RMND5B: variants seen among roughly 807,000 people sequenced by gnomAD.
RMND5B encodes E3 ubiquitin-protein transferase RMND5B.
RMND5B carries 42 observed loss-of-function variants against 50.4 expected under a neutral mutation model. The observed-to-expected ratio is 0.83, with a 90% CI of 0.65 to 1.08. The LOEUF (loss-of-function observed/expected upper bound fraction) is 1.08, where lower values mean the gene tolerates loss of function less well. Ranked by LOEUF, RMND5B falls within the 50% of genes least tolerant of loss-of-function variation. The pLI is 0.00. For synonymous variants in RMND5B, 220 were observed against 210.0 expected (o/e 1.05, Z -0.41); for missense variants, 463 against 508.5 (o/e 0.91, Z 0.86).
At chr5:178,136,893 AG>A (rs1758647758) in intron 2 of RMND5B, among the ~76,000 whole-genome samples, 1 of 152,186 alleles carries the variant, frequency 6.6e-6, no homozygotes, top group East Asian at 1.9e-4. Context: ...GGACAAGAAA[AG>A]TCAACTTTCT....
rs1337116812 is a variant in RMND5B, at chr5:178,144,850, T to TG, written c.694+743dup. On this transcript the variant is annotated intron_variant, in intron 7 of 10. Transcript: ENST00000313386. ...TGGCAACATGGGGAACCCCTGCCCC[T>TG]GCTCCCATCTCTACAAAAAATAAAA... Among the ~76,000 whole-genome samples the TG allele has an allele frequency of 2.6e-5, 4 of 152,174 alleles. No homozygotes were observed. In the East Asian group the frequency reaches 7.7e-4, roughly 29 times the overall value.
At chr5:178,143,013 CG>C (rs1755768373) in intron 5 of RMND5B, 21 bp downstream of exon 5, 1 of 1,599,678 alleles carries the variant, frequency 6.3e-7, no homozygotes, top group African/African-American at 1.3e-5. Context: ...GCTGGGCGGG[CG>C]CAACAACCTG....
chr5:178,141,779 A>T (rs1758958623), intron 3 of RMND5B: 1 of 152,198 alleles, frequency 6.6e-6, no homozygotes, highest in African/African-American at 2.4e-5. Flanking sequence ...TACAATCTTC[A>T]CCACTATCTA....
rs761344511 is a variant in RMND5B, at chr5:178,142,972, G to T, written c.406G>T (p.Val136Leu). The T allele has an allele frequency of 2.6e-5, 42 of 1,613,876 alleles. No homozygotes were observed. The East Asian group carries it at 5.1e-4, about 20-fold the overall frequency. Reference sequence around the variant, plus strand: ...CCTGTATCAGCAGGGCATGCTCAGCGTGGCCGAGGAGCTGTGCCAGGTACA... The same window carrying T: ...CCTGTATCAGCAGGGCATGCTCAGCTTGGCCGAGGAGCTGTGCCAGGTACA... ...EHLYQQGMLS[V>L]AEELCQESTL... Residue 136 changes from valine to leucine, a missense_variant, in exon 5 of 11, where the codon GTG (valine) becomes TTG (leucine). Transcript: ENST00000313386.
intron 2 of RMND5B, among the ~76,000 whole-genome samples, chr5:178,132,438 C>T (rs190919345): frequency 9.9e-5 from 15 of 152,070 alleles, no homozygotes; most frequent in Non-Finnish European, 1.5e-5. Flanking sequence ...AAGACTCTGT[C>T]TCAAAAACAA....
chr5:178,132,749 T>TTATTTTTTTATTTTTTA (rs373639499), intron 2 of RMND5B, among the ~76,000 whole-genome samples: 1 of 133,948 alleles, frequency 7.5e-6, no homozygotes, highest in Admixed American at 8.0e-5. Flanking sequence ...TTTTTTTTTT[T>TTATTTTTTTATTTTTTA]TTTTTAAGCA....
intron 8 of RMND5B, 178 bp downstream of exon 8, chr5:178,146,457 AAG>A: frequency 3.2e-6 from 2 of 626,918 alleles, no homozygotes; most frequent in Non-Finnish European, 5.4e-6. Context: ...TGAGACTAGG[AAG>A]AGTTATGGCC....
At position 178,137,110 on chromosome 5, in the gene RMND5B, C is replaced by T. The variant is rs1469777359; in HGVS notation, c.-12-998C>T. Among the ~76,000 whole-genome samples the T allele has an allele frequency of 2.0e-5, 3 of 152,044 alleles. No individual in the cohort carries two copies. The highest frequency in any genetic ancestry group is 2.1e-4 in the South Asian group (1 of 4,816). On this transcript the variant is annotated intron_variant, in intron 2 of 10. Transcript: ENST00000313386. This position sits in a 1 kb window ranked among gnomAD's most constrained non-coding sequence, Gnocchi z 4.4. ...GTGATGGGCCAGCCTCTCAAGTAGT[C>T]GAGGAGGTAAGGGTGATGGAGAGCA...
Position 178,149,672 on chromosome 5 carries a change from A to G in RMND5B, c.*1640A>G, listed in dbSNP as rs761847106. ...AGCCAGTCGTCCTGCTGCCAGCCCAATAGCTTCCAGCGGCAGGTGCCCAGG... is the reference window on the plus strand; with the variant it reads ...AGCCAGTCGTCCTGCTGCCAGCCCAGTAGCTTCCAGCGGCAGGTGCCCAGG... On this transcript the variant is annotated 3_prime_UTR_variant, in exon 11 of 11. Coordinates refer to ENST00000313386, the MANE Select transcript of RMND5B (RefSeq NM_022762.5). 21 of 1,611,886 alleles carry G rather than the reference A, an allele frequency of 1.3e-5. No individual in the cohort carries two copies. The highest frequency in any genetic ancestry group is 2.2e-5 in the East Asian group (1 of 44,872).
Position 178,143,723 on chromosome 5 carries a change from T to G in RMND5B, c.523T>G (p.Leu175Val), listed in dbSNP as rs769134484. 6.2e-7 allele frequency: 1 copy of G among 1,612,560 alleles called. No individual in the cohort carries two copies. Reference protein sequence around the residue: ...ALHEQDLGPALEWAVSHRQRL... With the variant: ...ALHEQDLGPAVEWAVSHRQRL... The stretch of plus-strand genomic sequence containing the variant: ...GCACGAACAAGACCTGGGTCCTGCG[T>G]TGGAGTAAGGAGGCCCTTGGGTGGG... The change falls in exon 6 of 11, where the codon TTG becomes GTG. Residue 175 changes from leucine (L) to valine (V), a missense_variant. Coordinates refer to ENST00000313386, the MANE Select transcript of RMND5B (RefSeq NM_022762.5).
intron 3 of RMND5B, among the ~76,000 whole-genome samples, chr5:178,140,517 T>C (rs1171467857): frequency 2.0e-5 from 3 of 152,012 alleles, no homozygotes; most frequent in Non-Finnish European, 2.9e-5. Flanking sequence ...CTGCTAAGGT[T>C]TTCCACTGTA....
rs553333780 is a variant in RMND5B at position 178,137,524 on chromosome 5, GA to G, written c.-12-576del. Among the ~76,000 whole-genome samples, 357 of 151,802 alleles carry G rather than the reference GA, an allele frequency of 2.4e-3. 1 individual carries two copies. Among genetic ancestry groups the G allele is most frequent in the Non-Finnish European group, 4.2e-3 (286 of 67,908 alleles). On this transcript the variant is annotated intron_variant, in intron 2 of 10. Coordinates refer to ENST00000313386, the MANE Select transcript of RMND5B (RefSeq NM_022762.5). The surrounding 1 kb of genome is among the most constrained non-coding windows in gnomAD (Gnocchi z 4.4). ...GCAACACAGAGAGACCCGTCTCTAC[GA>G]AAAAAAATTTTAAATTAGACAGGTG...
Position 178,143,924 on chromosome 5 carries a change from T to C in RMND5B, c.528-18T>C. 6.2e-7 allele frequency: 1 copy of C among 1,613,644 alleles called. No individual in the cohort carries two copies. Among genetic ancestry groups the C allele is most frequent in the Non-Finnish European group, 8.5e-7 (1 of 1,179,656 alleles). ...AGCCCCCACCAGCTCTACACTAAAC[T>C]GGCCCCTTTCTTCCCAGATGGGCCG... is the stretch of plus-strand genomic sequence containing the variant. On this transcript the variant is annotated intron_variant, in intron 6 of 10. Transcript: ENST00000313386.
rs758087442 is a variant in RMND5B, at chr5:178,144,009, C to T, written c.595C>T (p.Leu199=). ...CTCCCTGGAGTTCAAGCTGCACCGA[C>T]TGCACTTCATCCGCCTCTTGGCAGG... ...NSSLEFKLHR[L]HFIRLLAGGP... Residue 199 remains leucine (L), a synonymous_variant, in exon 7 of 11, where the codon CTG becomes TTG. Transcript: ENST00000313386. 5 of 1,614,280 alleles carry T rather than the reference C, an allele frequency of 3.1e-6. No homozygotes were observed. The highest frequency in any genetic ancestry group is 2.2e-5 in the East Asian group (1 of 44,884).
intron 2 of RMND5B, among the ~76,000 whole-genome samples, chr5:178,136,431 G>A (rs990953411): frequency 1.3e-5 from 2 of 152,150 alleles, no homozygotes; most frequent in African/African-American, 4.8e-5. Flanking sequence ...AGAGGGGATG[G>A]TGGGGGGTGG....
chr5:178,144,932 TC>T (rs1475562367), intron 7 of RMND5B, among the ~76,000 whole-genome samples: 1 of 152,218 alleles, frequency 6.6e-6, no homozygotes, highest in East Asian at 1.9e-4. Context: ...AAACCTGGAA[TC>T]TGAGTCTCAC....
intron 8 of RMND5B, chr5:178,147,286 G>A (rs1488300649): frequency 3.6e-6 from 2 of 548,126 alleles, no homozygotes; most frequent in African/African-American, 1.9e-5. Flanking sequence ...TCTGCCCCTA[G>A]AGCTATAGGA....
At position 178,148,699 on chromosome 5, in the gene RMND5B, G is replaced by A. The variant is rs1432525962; in HGVS notation, c.*667G>A. 6.5e-6 allele frequency: 1 copy of A among 153,318 alleles called. No homozygotes were observed. Among genetic ancestry groups the A allele is most frequent in the Non-Finnish European group, 1.4e-5 (1 of 68,966 alleles). The allele number at this position is 153,318 out of a possible 1,614,324, so 9.5% of individuals were successfully genotyped here. A position where few individuals can be genotyped will look rare whatever the true frequency, so the allele number is the denominator to read the frequency against. On this transcript the variant is annotated 3_prime_UTR_variant, in exon 11 of 11. Transcript: ENST00000313386. ...CAGGTATCCAGTGTCCAGGCAGGAA[G>A]AACACAACTTGCATCCCTGACTGCG...
At chr5:178,140,398 G>A (rs550193557) in intron 3 of RMND5B, among the ~76,000 whole-genome samples, 6 of 151,130 alleles carry the variant, frequency 4.0e-5, no homozygotes, top group South Asian at 2.1e-4. Context: ...AGACGGTGTC[G>A]AACTCCTGGG....
Sources: gnomAD v4.1 joint callset for allele counts (sites outside exome capture counted in the v4.1 genomes callset) on GRCh38, gnomAD v4.1.1 for gene constraint, Gnocchi (gnomAD v3.1) non-coding constraint, MANE v1.5 for transcripts, NCBI Gene and HGNC (gene_info 2026-07-23, HGNC 2026-07-21) for gene names.